PARD3: variants seen among roughly 807,000 people sequenced by gnomAD.
The protein encoded by PARD3 is par-3 family cell polarity regulator.
PARD3 carries 75 observed loss-of-function variants against 155.4 expected under a neutral mutation model. The ratio of observed to expected loss-of-function variants is 0.48; its 90% CI spans 0.40 to 0.58. The LOEUF (loss-of-function observed/expected upper bound fraction) is 0.58, where lower values mean the gene tolerates loss of function less well. PARD3 is among the 20% of genes least tolerant of loss of function. The pLI, the probability that PARD3 is intolerant of heterozygous loss-of-function variation, is 0.00. For missense variants in PARD3, 1,642 were observed against 1,721.7 expected, an observed-to-expected ratio of 0.95 and a Z score of 0.82; for synonymous variants, 576 against 610.5, an observed-to-expected ratio of 0.94 and a Z score of 0.83.
At chr10:34,700,798 C>T (rs1184163919) in intron 1 of PARD3, among the ~76,000 whole-genome samples, 1 of 152,026 alleles carries the variant, frequency 6.6e-6, no homozygotes, top group Non-Finnish European at 1.5e-5. Flanking sequence ...ATGATGAAAC[C>T]CTGTCTCTAC....
intron 14 of PARD3, among the ~76,000 whole-genome samples, chr10:34,355,009 T>C (rs1169004089): frequency 6.6e-6 from 1 of 151,702 alleles, no homozygotes; most frequent in African/African-American, 2.4e-5. Flanking sequence ...ACTCAGGCAG[T>C]GGGAGAGGGG....
intron 22 of PARD3, among the ~76,000 whole-genome samples, chr10:34,221,388 C>CTTTTTTTT (rs3039277): frequency 1.7e-5 from 2 of 119,788 alleles, no homozygotes; most frequent in Admixed American, 8.3e-5. Flanking sequence ...CAGGACTTGC[C>CTTTTTTTT]TTTTTTTTTT....
rs28656832 is a variant in PARD3, at chr10:34,353,732, T to A, written c.2067+5415A>T. On this transcript the variant is annotated intron_variant, in intron 14 of 24. Coordinates refer to ENST00000374788, the MANE Select transcript of PARD3 (RefSeq NM_001184785.2). ...ATCAATAAATAAATAAATAAAAAAA[T>A]AAATAAATAAATAAATAAAATAAAA... Among the ~76,000 whole-genome samples the A allele has an allele frequency of 5.3e-4, 80 of 149,958 alleles. No homozygotes were observed. The East Asian group carries it at 8.2e-3, about 15-fold the overall frequency.
rs1447241470 is a variant in PARD3 at position 34,429,086 on chromosome 10, T to A, written c.714+21231A>T. The stretch of plus-strand genomic sequence containing the variant: ...AAATGAATTCACATTGAAAACATCA[T>A]ACAAATTAATTCCTTTTATATTTTA... On this transcript the variant is annotated intron_variant, in intron 5 of 24. Transcript: ENST00000374788. Among the ~76,000 whole-genome samples the A allele has an allele frequency of 2.6e-5, 4 of 152,324 alleles. No individual in the cohort carries two copies. In the South Asian group the frequency reaches 8.3e-4, roughly 32 times the overall value.
At chr10:34,552,408 A>AT (rs962605127) in intron 2 of PARD3, among the ~76,000 whole-genome samples, 6 of 152,240 alleles carry the variant, frequency 3.9e-5, no homozygotes, top group Non-Finnish European at 7.3e-5. Flanking sequence ...CCTACAAATA[A>AT]TTTAAATCTA....
chr10:34,608,574 A>G (rs2090644228), intron 2 of PARD3, among the ~76,000 whole-genome samples: 1 of 140,060 alleles, frequency 7.1e-6, no homozygotes, highest in Non-Finnish European at 1.5e-5. Flanking sequence ...TCACTCTGTC[A>G]CCCAGGCTGG....
At chr10:34,451,776 T>TG (rs1413821591) in intron 4 of PARD3, among the ~76,000 whole-genome samples, 1 of 150,860 alleles carries the variant, frequency 6.6e-6, no homozygotes, top group Non-Finnish European at 1.5e-5. Flanking sequence ...GCAGCAAGTT[T>TG]TTTTTTTTTT....
Position 34,344,423 on chromosome 10 carries a change from C to A in PARD3, c.2219-2607G>T, listed in dbSNP as rs920564368. 6.0e-6 allele frequency: 3 copies of A among 501,762 alleles called. No individual in the cohort carries two copies. The African/African-American group carries it at 6.3e-5, about 10-fold the overall frequency. The allele number at this position is 501,762 out of a possible 1,614,324, so 31.1% of individuals were successfully genotyped here. A position where few individuals can be genotyped will look rare whatever the true frequency, so the allele number is the denominator to read the frequency against. On this transcript the variant is annotated intron_variant, in intron 15 of 24. Transcript: ENST00000374788. Reference sequence around the variant, plus strand: ...TCAGCCTCCCCAGTAGGTGGGACTACGGGTGTGCAACACAACATCCGGCTA... The same window carrying A: ...TCAGCCTCCCCAGTAGGTGGGACTAAGGGTGTGCAACACAACATCCGGCTA...
At chr10:34,517,291 G>A (rs146983878) in intron 2 of PARD3, 132 bp from the exon 3 acceptor site, 32 of 718,928 alleles carry the variant, frequency 4.5e-5, no homozygotes, top group East Asian at 3.6e-4. Context: ...TAAGTTTTAC[G>A]AAGAAAAACC....
chr10:34,495,968 T>C (rs567473187), intron 3 of PARD3, among the ~76,000 whole-genome samples: 1 of 152,040 alleles, frequency 6.6e-6, no homozygotes, highest in South Asian at 2.1e-4. Flanking sequence ...TTTGGGAAGC[T>C]AAGGTGGGTG....
At chr10:34,350,370 C>G (rs1564615900) in intron 14 of PARD3, among the ~76,000 whole-genome samples, 1 of 152,154 alleles carries the variant, frequency 6.6e-6, no homozygotes, top group Admixed American at 6.5e-5. Flanking sequence ...TTCGGTTGGG[C>G]ACAGTGGCTC....
chr10:34,630,972 G>A (rs187963588), intron 2 of PARD3, among the ~76,000 whole-genome samples: 177 of 151,982 alleles, frequency 1.2e-3, no homozygotes, highest in Middle Eastern at 3.4e-3. Context: ...ATGCCACCAC[G>A]CCTGGATAAC....
chr10:34,769,788 G>T (rs59494394), intron 1 of PARD3, among the ~76,000 whole-genome samples: 1 of 56,696 alleles, frequency 1.8e-5, no homozygotes, highest in African/African-American at 5.7e-5. Context: ...ACAAACAAAC[G>T]AACAAAAAAA....
chr10:34,495,987 G>C (rs2080256556), intron 3 of PARD3, among the ~76,000 whole-genome samples: 2 of 152,044 alleles, frequency 1.3e-5, no homozygotes, highest in Admixed American at 6.6e-5. Flanking sequence ...TGGATCACTT[G>C]AGCTCAGGAG....
At chr10:34,312,471 G>A (rs1353005415) in intron 20 of PARD3, 3 of 1,276,136 alleles carry the variant, frequency 2.4e-6, no homozygotes, top group Non-Finnish European at 3.4e-6. Flanking sequence ...AAATGCCTAA[G>A]ATGTATAATC....
intron 19 of PARD3, among the ~76,000 whole-genome samples, chr10:34,321,563 A>G (rs998655672): frequency 6.6e-6 from 1 of 152,188 alleles, no homozygotes; most frequent in Non-Finnish European, 1.5e-5. Context: ...TTTCCATGTG[A>G]TTACCTATAA....
At chr10:34,116,283 C>T (rs887014903) in intron 24 of PARD3, among the ~76,000 whole-genome samples, 7 of 152,198 alleles carry the variant, frequency 4.6e-5, no homozygotes, top group African/African-American at 1.2e-4. Flanking sequence ...GATACAAAGC[C>T]CAGACCATTT....
intron 1 of PARD3, among the ~76,000 whole-genome samples, chr10:34,707,788 G>A (rs2094388358): frequency 6.6e-6 from 1 of 152,142 alleles, no homozygotes; most frequent in Non-Finnish European, 1.5e-5. Flanking sequence ...TTCAACTCCA[G>A]GCTCTGTGCA....
chr10:34,439,597 A>C (rs2076361640), intron 5 of PARD3, among the ~76,000 whole-genome samples: 2 of 152,062 alleles, frequency 1.3e-5, no homozygotes, highest in Admixed American at 1.3e-4. Flanking sequence ...AGTTGGGATT[A>C]CTGCGTGTGC....
Sources: gnomAD v4.1 joint callset for allele counts (sites outside exome capture counted in the v4.1 genomes callset) on GRCh38, gnomAD v4.1.1 for gene constraint, MANE v1.5 for transcripts, NCBI Gene and HGNC (gene_info 2026-07-23, HGNC 2026-07-21) for gene names.